The following MPPED2 variants were observed in gnomAD, a reference collection of about 807,000 sequenced individuals.
MPPED2 encodes metallophosphoesterase MPPED2.
In MPPED2, 5 loss-of-function variants were observed where a neutral mutation model predicts 33.0. The ratio of observed to expected loss-of-function variants is 0.15; its 90% CI spans 0.08 to 0.32. The LOEUF is 0.32. MPPED2 is among the 10% of genes least tolerant of loss of function. The pLI, the probability that MPPED2 is intolerant of heterozygous loss-of-function variation, is 1.00. For synonymous variants in MPPED2, 136 were observed against 141.9 expected (o/e 0.96, Z 0.29); for missense variants, 275 against 372.1 (o/e 0.74, Z 2.15).
chr11:30,442,936 C>T (rs981177064), intron 4 of MPPED2, among the ~76,000 whole-genome samples: 2 of 152,110 alleles, frequency 1.3e-5, no homozygotes, highest in East Asian at 1.9e-4. Flanking sequence ...GAGGCAGTAG[C>T]GAGCTATGAT....
intron 4 of MPPED2, among the ~76,000 whole-genome samples, chr11:30,472,165 A>G (rs1950977584): frequency 6.6e-6 from 1 of 152,100 alleles, no homozygotes; most frequent in African/African-American, 2.4e-5. Context: ...ACAATTTGAG[A>G]CCAGCCTGGG....
chr11:30,396,065 A>G (rs1476201150), intron 6 of MPPED2, among the ~76,000 whole-genome samples: 3 of 152,186 alleles, frequency 2.0e-5, no homozygotes, highest in Admixed American at 2.0e-4. Flanking sequence ...GCATTCCAGC[A>G]AGGCTCTGGA....
intron 4 of MPPED2, among the ~76,000 whole-genome samples, chr11:30,419,698 T>C (rs1948527439): frequency 6.6e-6 from 1 of 152,138 alleles, no homozygotes; most frequent in South Asian, 2.1e-4. Context: ...ACCCTCAGGA[T>C]TTGGCTGGTG....
At chr11:30,534,713 G>A (rs566085776) in intron 3 of MPPED2, among the ~76,000 whole-genome samples, 110 of 152,202 alleles carry the variant, frequency 7.2e-4, no homozygotes, top group African/African-American at 2.6e-3. Flanking sequence ...CTTTGACTTA[G>A]CAAATTAAGT....
chr11:30,464,850 G>A (rs1241934700), intron 4 of MPPED2, among the ~76,000 whole-genome samples: 8 of 152,120 alleles, frequency 5.3e-5, no homozygotes, highest in African/African-American at 1.7e-4. Flanking sequence ...TTATCAGGTT[G>A]GGGAGGCATT....
intron 3 of MPPED2, among the ~76,000 whole-genome samples, chr11:30,507,041 C>CTAA (rs1311419244): frequency 2.6e-5 from 4 of 152,146 alleles, no homozygotes; most frequent in Non-Finnish European, 5.9e-5. Flanking sequence ...GAAATGAACC[C>CTAA]TAATACTCTC....
At chr11:30,427,471 G>A (rs976368384) in intron 4 of MPPED2, among the ~76,000 whole-genome samples, 1 of 152,128 alleles carries the variant, frequency 6.6e-6, no homozygotes, top group Non-Finnish European at 1.5e-5. Flanking sequence ...ACCCAAAGGG[G>A]ACAATTGATA....
At chr11:30,528,984 AAG>A (rs1014961836) in intron 3 of MPPED2, among the ~76,000 whole-genome samples, 42 of 152,322 alleles carry the variant, frequency 2.8e-4, no homozygotes, top group African/African-American at 9.4e-4. Flanking sequence ...GATGTTTGCA[AAG>A]AGAGAGCAAG....
At chr11:30,452,203 C>G in intron 4 of MPPED2, 5 of 495,266 alleles carry the variant, frequency 1.0e-5, no homozygotes, top group Non-Finnish European at 1.3e-5. Context: ...CCTCCCTGCA[C>G]CCAGCACTCT....
At chr11:30,500,277 C>T (rs888167738) in intron 3 of MPPED2, among the ~76,000 whole-genome samples, 8 of 152,100 alleles carry the variant, frequency 5.3e-5, no homozygotes, top group Admixed American at 5.2e-4. Flanking sequence ...TCCAAGTTCT[C>T]CTCCTCCCTC....
At chr11:30,435,866 T>TC (rs1378479486) in intron 4 of MPPED2, among the ~76,000 whole-genome samples, 1 of 151,926 alleles carries the variant, frequency 6.6e-6, no homozygotes, top group Non-Finnish European at 1.5e-5. Flanking sequence ...CATGTTTTTT[T>TC]CCCCCTAACA....
chr11:30,510,148 G>T (rs937860081), intron 3 of MPPED2, among the ~76,000 whole-genome samples: 2 of 152,038 alleles, frequency 1.3e-5, no homozygotes, highest in East Asian at 3.9e-4. Context: ...AAATTTCATT[G>T]TTAAGATACT....
chr11:30,560,850 C>T (rs1956210458), intron 2 of MPPED2, among the ~76,000 whole-genome samples: 1 of 152,176 alleles, frequency 6.6e-6, no homozygotes. Flanking sequence ...ATGCTACCCC[C>T]CACCTGGTGT....
chr11:30,468,229 T>TACACACACAC (rs1174150864), intron 4 of MPPED2, among the ~76,000 whole-genome samples: 1 of 147,270 alleles, frequency 6.8e-6, no homozygotes, highest in African/African-American at 2.5e-5. Context: ...TGGCATACTA[T>TACACACACAC]ACACACACAC....
chr11:30,473,094 G>A (rs530904111), intron 4 of MPPED2, among the ~76,000 whole-genome samples: 12 of 152,182 alleles, frequency 7.9e-5, no homozygotes, highest in Non-Finnish European at 1.3e-4. Flanking sequence ...TTCCAAAAAA[G>A]TATCTTTAGC....
intron 2 of MPPED2, among the ~76,000 whole-genome samples, chr11:30,556,536 C>T (rs983896238): frequency 6.6e-6 from 1 of 152,134 alleles, no homozygotes; most frequent in Non-Finnish European, 1.5e-5. Context: ...AAATCCAAAC[C>T]TTTAATCCAC....
At chr11:30,535,390 A>C (rs117034147) in intron 3 of MPPED2, among the ~76,000 whole-genome samples, 1 of 152,158 alleles carries the variant, frequency 6.6e-6, no homozygotes. Flanking sequence ...GGGTGCCTCC[A>C]CAATATCCAG....
intron 1 of MPPED2, among the ~76,000 whole-genome samples, chr11:30,583,300 C>T (rs1753660032): frequency 1.3e-5 from 2 of 151,900 alleles, no homozygotes; most frequent in South Asian, 4.2e-4. Context: ...GGCAGTAAAA[C>T]CTTCCAAATG....
intron 4 of MPPED2, among the ~76,000 whole-genome samples, chr11:30,468,229 TACACAC>T (rs1174150864): frequency 4.8e-5 from 7 of 147,268 alleles, no homozygotes; most frequent in South Asian, 2.2e-4. Flanking sequence ...TGGCATACTA[TACACAC>T]ACACACACAC....
Sources: allele counts gnomAD v4.1 joint callset (sites outside exome capture counted in the v4.1 genomes callset), GRCh38; gene constraint gnomAD v4.1.1; transcripts MANE v1.5; gene names NCBI Gene and HGNC (gene_info 2026-07-23, HGNC 2026-07-21).